The following MYOM2 variants were observed in gnomAD, a reference collection of about 807,000 sequenced individuals.
MYOM2 encodes myomesin-2.
Under a neutral mutation model 187.6 loss-of-function variants are expected in MYOM2, and 254 were observed. The ratio of observed to expected loss-of-function variants is 1.35; its 90% CI spans 1.22 to 1.50. The LOEUF is 1.50. Ranked by LOEUF, MYOM2 falls within the 40% of genes most tolerant of loss-of-function variation. MYOM2 has a pLI of 0.00. For missense variants in MYOM2, 2,796 were observed against 1,924.0 expected (o/e 1.45, Z -8.48); for synonymous variants, 981 against 753.8 (o/e 1.30, Z -4.94).
At chr8:2,091,971 T>C (rs1034871392) in intron 15 of MYOM2, among the ~76,000 whole-genome samples, 2 of 152,200 alleles carry the variant, frequency 1.3e-5, no homozygotes, top group Non-Finnish European at 2.9e-5. Context: ...TCTGATAAAA[T>C]TGAGTCTTAC....
In MYOM2 at chr8:2,072,471, TG is replaced by T; in HGVS notation, c.921del (p.Lys308SerfsTer16). Reference protein sequence around the residue: ...LKCTMLVTPDLKRVQPRAEWY... With the variant: ...LKCTMLVTPDXKRVQPRAEWY... ...TGCACCATGCTGGTGACGCCGGACC[TG>T]AAGCGGGTGCAGCCGCGCGCCGAGT... On this transcript the variant is annotated frameshift_variant, in exon 9 of 37. Coordinates refer to ENST00000262113, the MANE Select transcript of MYOM2 (RefSeq NM_003970.4). LOFTEE classifies it high-confidence loss of function. 6.2e-7 allele frequency: 1 copy of T among 1,613,944 alleles called. No homozygotes were observed. The highest frequency in any genetic ancestry group is 8.5e-7 in the Non-Finnish European group (1 of 1,180,018).
chr8:2,098,786 C>A (rs764536861), intron 18 of MYOM2, 71 bp from the exon 19 acceptor site: 20 of 1,458,470 alleles, frequency 1.4e-5, no homozygotes, highest in Non-Finnish European at 1.6e-5. Context: ...CCAGTTATAA[C>A]AACTCCTCCC....
chr8:2,079,905 C>A (rs1458173004), intron 13 of MYOM2, among the ~76,000 whole-genome samples: 1 of 152,178 alleles, frequency 6.6e-6, no homozygotes, highest in African/African-American at 2.4e-5. Flanking sequence ...AGAGAAGAAA[C>A]CAAACTAAAG....
chr8:2,076,263 A>C lies in MYOM2; in HGVS notation c.1243A>C (p.Met415Leu). ...CAACACCACCACTGAGAGCCCCGTC[A>C]TGGGCTATTTTGTGGACCGGTGAGC... ...PPNTTTESPV[M>L]GYFVDRCEVG... Residue 415 changes from methionine to leucine, a missense_variant, in exon 11 of 37, where the codon ATG becomes CTG. Physicochemically the swap from Met to Leu is conservative, Grantham distance 15. Transcript: ENST00000262113. The C allele has an allele frequency of 6.2e-7, 1 of 1,613,762 alleles. No individual in the cohort carries two copies. The highest frequency in any genetic ancestry group is 8.5e-7 in the Non-Finnish European group (1 of 1,179,942).
chr8:2,117,081 T>C (rs1797274365), intron 27 of MYOM2, among the ~76,000 whole-genome samples: 1 of 152,212 alleles, frequency 6.6e-6, no homozygotes, highest in South Asian at 2.1e-4. Context: ...CATTTTTATA[T>C]ATGGGATTTC....
Position 2,144,870 on chromosome 8 carries a change from C to A in MYOM2, c.4287C>A (p.Ile1429=), listed in dbSNP as rs372462026. 1.4e-5 allele frequency: 22 copies of A among 1,613,938 alleles called. No homozygotes were observed. The Admixed American group carries it at 2.5e-4, about 18-fold the overall frequency. ...AGAATAAGTATGGCGGGGAGAAGAT[C>A]GACGTGACAGTGAGCGTGTACAAAC... is the stretch of plus-strand genomic sequence containing the variant. ...NIKNKYGGEK[I]DVTVSVYKHG... The change falls in exon 37 of 37, where the codon ATC becomes ATA. Residue 1429 remains isoleucine, a synonymous_variant. Transcript: ENST00000262113.
intron 14 of MYOM2, among the ~76,000 whole-genome samples, chr8:2,086,310 A>G (rs1186492774): frequency 1.0e-5 from 1 of 99,848 alleles, no homozygotes; most frequent in Admixed American, 1.1e-4. Context: ...GTGGCCCCCC[A>G]CAGTCGTGAT....
At chr8:2,080,492 C>T (rs6558599) in intron 13 of MYOM2, among the ~76,000 whole-genome samples, 1 of 152,132 alleles carries the variant, frequency 6.6e-6, no homozygotes, top group South Asian at 2.1e-4. Context: ...CAAAAGAAGA[C>T]CGTTGAGAGT....
intron 6 of MYOM2, among the ~76,000 whole-genome samples, chr8:2,065,190 A>T (rs1047748116): frequency 6.6e-6 from 1 of 152,224 alleles, no homozygotes; most frequent in Non-Finnish European, 1.5e-5. Flanking sequence ...TGTTTATTAT[A>T]TAGTCAGTAG....
At chr8:2,136,885 G>C (rs1798094620) in intron 32 of MYOM2, among the ~76,000 whole-genome samples, 1 of 152,172 alleles carries the variant, frequency 6.6e-6, no homozygotes, top group Non-Finnish European at 1.5e-5. Flanking sequence ...CTAAAACGCT[G>C]CCACTTCATG....
intron 28 of MYOM2, among the ~76,000 whole-genome samples, chr8:2,118,503 C>G (rs1182969716): frequency 6.6e-6 from 1 of 152,108 alleles, no homozygotes; most frequent in African/African-American, 2.4e-5. Flanking sequence ...AAACTAGTTT[C>G]TTATTGTCTA....
chr8:2,116,639 C>T (rs1041781730), intron 27 of MYOM2, among the ~76,000 whole-genome samples: 1 of 152,208 alleles, frequency 6.6e-6, no homozygotes. Context: ...AGCTGTTAAA[C>T]TTTCTAACTA....
At chr8:2,048,269 C>A (rs1321924912) in intron 1 of MYOM2, among the ~76,000 whole-genome samples, 1 of 152,172 alleles carries the variant, frequency 6.6e-6, no homozygotes, top group African/African-American at 2.4e-5. Flanking sequence ...GGATAGGAAA[C>A]CGGATGGAAG....
At position 2,062,605 on chromosome 8, in the gene MYOM2, G is replaced by C. The variant is rs915217488; in HGVS notation, c.653+3360G>C. 2.6e-5 allele frequency among the ~76,000 whole-genome samples: 4 copies of C among 152,192 alleles called. No homozygotes were observed. In the East Asian group the frequency reaches 7.7e-4, roughly 29 times the overall value. On this transcript the variant is annotated intron_variant, in intron 6 of 36. Transcript: ENST00000262113. ...ATGCCTCTCCTGGGGCCCTCTCCAAGTTTTTCAGAGAGAAACTTTCTCTCC... is the reference window on the plus strand; with the variant it reads ...ATGCCTCTCCTGGGGCCCTCTCCAACTTTTTCAGAGAGAAACTTTCTCTCC...
At chr8:2,050,945 G>T (rs1485393042) in intron 2 of MYOM2, 72 bp downstream of exon 2, 4 of 1,231,630 alleles carry the variant, frequency 3.2e-6, no homozygotes, top group Non-Finnish European at 2.3e-6. Flanking sequence ...GGCTTTTCCA[G>T]TTCCGTCAGC....
chr8:2,135,173 T>G (rs192107696), intron 32 of MYOM2, among the ~76,000 whole-genome samples: 1 of 152,286 alleles, frequency 6.6e-6, no homozygotes, highest in Admixed American at 6.5e-5. Context: ...AGTATTTACA[T>G]CAAGCAGTTT....
intron 6 of MYOM2, among the ~76,000 whole-genome samples, chr8:2,067,760 T>C (rs1345096560): frequency 6.6e-6 from 1 of 152,112 alleles, no homozygotes; most frequent in Non-Finnish European, 1.5e-5. Flanking sequence ...TTTTTTGTTT[T>C]GTTTTGTTTT....
intron 32 of MYOM2, among the ~76,000 whole-genome samples, chr8:2,140,209 A>T (rs1441775447): frequency 1.3e-5 from 2 of 152,196 alleles, no homozygotes; most frequent in African/African-American, 4.8e-5. Context: ...CTCAGGGTTC[A>T]TGCACATTGC....
At chr8:2,108,550 GT>G (rs1252399186) in intron 23 of MYOM2, among the ~76,000 whole-genome samples, 3 of 151,990 alleles carry the variant, frequency 2.0e-5, no homozygotes. Flanking sequence ...CAATTCCTTT[GT>G]CCCCATGACT....
Sources: gnomAD v4.1 joint callset for allele counts (sites outside exome capture counted in the v4.1 genomes callset) on GRCh38, gnomAD v4.1.1 for gene constraint, MANE v1.5 for transcripts, NCBI Gene and HGNC (gene_info 2026-07-23, HGNC 2026-07-21) for gene names.